Variants in POU6F2 observed in about 807,000 individuals in gnomAD.
The protein encoded by POU6F2 is POU class 6 homeobox 2.
A neutral mutation model predicts 71.3 loss-of-function variants in POU6F2; 31 were observed. The ratio of observed to expected loss-of-function variants is 0.43; its 90% CI spans 0.33 to 0.59. The LOEUF (loss-of-function observed/expected upper bound fraction) is 0.59, where lower values mean the gene tolerates loss of function less well. POU6F2 is among the 20% of genes least tolerant of loss of function. The pLI is 0.04. For missense variants in POU6F2, 783 were observed against 856.8 expected (o/e 0.91, Z 1.07); for synonymous variants, 347 against 355.7 (o/e 0.98, Z 0.27).
intron 5 of POU6F2, among the ~76,000 whole-genome samples, chr7:39,389,752 G>A (rs572667563): frequency 1.4e-4 from 21 of 152,198 alleles, no homozygotes; most frequent in African/African-American, 5.1e-4. Flanking sequence ...TTTCCCCTGT[G>A]TTTAACAATT....
intron 5 of POU6F2, among the ~76,000 whole-genome samples, chr7:39,344,836 G>A (rs1785996619): frequency 6.6e-6 from 1 of 151,992 alleles, no homozygotes; most frequent in Non-Finnish European, 1.5e-5. Context: ...TGACTCTGTG[G>A]GTGTATTCAT....
chr7:39,335,236 C>T (rs1280750493), intron 4 of POU6F2, among the ~76,000 whole-genome samples: 1 of 152,196 alleles, frequency 6.6e-6, no homozygotes, highest in Non-Finnish European at 1.5e-5. Flanking sequence ...ATAATAACAG[C>T]CATGTTTCTC....
chr7:39,178,741 A>G (rs1793378219), intron 2 of POU6F2, among the ~76,000 whole-genome samples: 1 of 152,184 alleles, frequency 6.6e-6, no homozygotes, highest in Non-Finnish European at 1.5e-5. Context: ...GGCCTCATAA[A>G]AAACAGGAGC....
At chr7:39,205,404 C>T (rs1793989596) in intron 3 of POU6F2, among the ~76,000 whole-genome samples, 1 of 152,054 alleles carries the variant, frequency 6.6e-6, no homozygotes, top group African/African-American at 2.4e-5. Flanking sequence ...GTAGGCAGCC[C>T]CACAGGCCCA....
intron 1 of POU6F2, among the ~76,000 whole-genome samples, chr7:39,006,098 A>G (rs1002396040): frequency 2.1e-4 from 32 of 152,274 alleles, no homozygotes; most frequent in Middle Eastern, 3.4e-3. Flanking sequence ...GGCCCAGTCT[A>G]ACAGTGTTGG....
At chr7:39,006,191 C>T (rs776616993) in intron 1 of POU6F2, among the ~76,000 whole-genome samples, 2 of 152,020 alleles carry the variant, frequency 1.3e-5, no homozygotes, top group Admixed American at 6.5e-5. Flanking sequence ...GGGCCGGGCG[C>T]GGTGGCTCAC....
chr7:39,245,365 A>G (rs1584622252), intron 4 of POU6F2, among the ~76,000 whole-genome samples: 1 of 152,236 alleles, frequency 6.6e-6, no homozygotes, highest in East Asian at 1.9e-4. Flanking sequence ...ATGATTATCT[A>G]CCTTTCACTT....
At chr7:39,093,871 G>T (rs1295683543) in intron 2 of POU6F2, among the ~76,000 whole-genome samples, 2 of 152,092 alleles carry the variant, frequency 1.3e-5, no homozygotes, top group Admixed American at 1.3e-4. Flanking sequence ...ATATTTGTGT[G>T]TGTCTATGGT....
Position 39,024,412 on chromosome 7 carries a change from C to T in POU6F2, c.105+46354C>T, listed in dbSNP as rs1254172409. Among the ~76,000 whole-genome samples, 10 of 152,040 alleles carry T rather than the reference C, an allele frequency of 6.6e-5. 1 individual carries two copies. The South Asian group carries it at 1.7e-3, about 25-fold the overall frequency. ...AGCTTAAGGAGATTTTGGGCTGAGA[C>T]GATGGGGTTTTCTAGATATACAATC... On this transcript the variant is annotated intron_variant, in intron 1 of 9. Coordinates refer to ENST00000518318, the MANE Select transcript of POU6F2 (RefSeq NM_001370959.1).
intron 7 of POU6F2, among the ~76,000 whole-genome samples, 181 bp from the exon 8 acceptor site, chr7:39,451,352 A>G (rs1325240912): frequency 7.3e-6 from 1 of 137,238 alleles, no homozygotes; most frequent in African/African-American, 2.9e-5. Context: ...GCAAGTGGCA[A>G]TATGTGCTCT....
chr7:39,360,760 G>A (rs1050591842), intron 5 of POU6F2, among the ~76,000 whole-genome samples: 2 of 152,242 alleles, frequency 1.3e-5, no homozygotes, highest in Non-Finnish European at 2.9e-5. Flanking sequence ...TGCTAAACAA[G>A]GGGTGGATTA....
At chr7:39,252,318 A>G (rs1445404729) in intron 4 of POU6F2, among the ~76,000 whole-genome samples, 2 of 151,852 alleles carry the variant, frequency 1.3e-5, no homozygotes, top group African/African-American at 2.4e-5. Flanking sequence ...CCTACAAACC[A>G]GTTACAAAGT....
intron 2 of POU6F2, among the ~76,000 whole-genome samples, chr7:39,099,574 G>T (rs759715543): frequency 6.6e-6 from 1 of 152,200 alleles, no homozygotes; most frequent in Non-Finnish European, 1.5e-5. Context: ...CCATTGAAGT[G>T]TTATGACGAT....
At chr7:39,363,428 T>C (rs1326904050) in intron 5 of POU6F2, among the ~76,000 whole-genome samples, 1 of 152,044 alleles carries the variant, frequency 6.6e-6, no homozygotes, top group Non-Finnish European at 1.5e-5. Flanking sequence ...ACTAAATGTT[T>C]AACAGGAAAT....
chr7:39,174,721 C>T (rs906422947), intron 2 of POU6F2, among the ~76,000 whole-genome samples: 5 of 152,134 alleles, frequency 3.3e-5, no homozygotes, highest in African/African-American at 1.2e-4. Context: ...TCACTTGGCT[C>T]CTTCACATCT....
intron 5 of POU6F2, among the ~76,000 whole-genome samples, chr7:39,353,207 T>G (rs933566267): frequency 6.6e-6 from 1 of 152,224 alleles, no homozygotes; most frequent in African/African-American, 2.4e-5. Context: ...GGAAGAAATC[T>G]CATTCACACT....
At chr7:39,088,383 T>C (rs1791299283) in intron 2 of POU6F2, among the ~76,000 whole-genome samples, 1 of 152,194 alleles carries the variant, frequency 6.6e-6, no homozygotes, top group Non-Finnish European at 1.5e-5. Flanking sequence ...ACTAAAACTT[T>C]CCAGAATAAT....
At chr7:39,059,537 G>C (rs1790608405) in intron 1 of POU6F2, among the ~76,000 whole-genome samples, 1 of 149,982 alleles carries the variant, frequency 6.7e-6, no homozygotes, top group African/African-American at 2.5e-5. Context: ...ACAAGTGCTA[G>C]CAAGGATGTG....
At chr7:39,243,879 A>G (rs764461810) in intron 4 of POU6F2, among the ~76,000 whole-genome samples, 4 of 152,108 alleles carry the variant, frequency 2.6e-5, no homozygotes, top group South Asian at 2.1e-4. Flanking sequence ...AGTACAGCCT[A>G]TTTTTAGTGC....
Sources: gnomAD v4.1 joint callset for allele counts (sites outside exome capture counted in the v4.1 genomes callset) on GRCh38, gnomAD v4.1.1 for gene constraint, MANE v1.5 for transcripts, NCBI Gene and HGNC (gene_info 2026-07-23, HGNC 2026-07-21) for gene names.